The following NELL2 variants were observed in gnomAD, a reference collection of about 807,000 sequenced individuals.
The protein encoded by NELL2 is protein kinase C-binding protein NELL2.
Under a neutral mutation model 109.6 loss-of-function variants are expected in NELL2, and 41 were observed. The ratio of observed to expected loss-of-function variants is 0.37; its 90% CI spans 0.29 to 0.49. The LOEUF (loss-of-function observed/expected upper bound fraction) is 0.49. Ranked by LOEUF, NELL2 falls within the 20% of genes least tolerant of loss-of-function variation. The pLI, the probability that NELL2 is intolerant of heterozygous loss-of-function variation, is 0.98. For missense variants in NELL2, 900 were observed against 1,008.3 expected (o/e 0.89, Z 1.45); for synonymous variants, 355 against 344.7 (o/e 1.03, Z -0.33).
chr12:44,578,668 A>AGTTTTTT lies in NELL2; in HGVS notation c.1663+28500_1663+28501insAAAAAAC, dbSNP rs1202570724. 5.3e-5 allele frequency among the ~76,000 whole-genome samples: 8 copies of AGTTTTTT among 151,374 alleles called. No homozygotes were observed. In the South Asian group the frequency reaches 1.7e-3, roughly 32 times the overall value. ...GTGGCAACAAAAAACTCCAGGAGAG[A>AGTTTTTT]GTAATGTGTGCCAGGGACTGGGCAA... On this transcript the variant is annotated intron_variant, in intron 15 of 19. Coordinates refer to ENST00000429094, the MANE Select transcript of NELL2 (RefSeq NM_001145108.2).
At chr12:44,640,457 A>G (rs141215023) in intron 13 of NELL2, among the ~76,000 whole-genome samples, 3 of 152,308 alleles carry the variant, frequency 2.0e-5, no homozygotes, top group African/African-American at 7.2e-5. Flanking sequence ...TTGAATTTCT[A>G]TAAGCTTTAA....
At chr12:44,693,729 A>G (rs1038579351) in intron 12 of NELL2, among the ~76,000 whole-genome samples, 22 of 152,194 alleles carry the variant, frequency 1.4e-4, no homozygotes, top group African/African-American at 4.8e-4. Flanking sequence ...ATGAGCCCAG[A>G]TGAATAGCTA....
intron 9 of NELL2, among the ~76,000 whole-genome samples, chr12:44,728,064 T>C (rs1426286597): frequency 1.3e-5 from 2 of 151,946 alleles, no homozygotes; most frequent in African/African-American, 4.8e-5. Flanking sequence ...TTAATGGCTA[T>C]TATATGCCAG....
At chr12:44,594,090 A>G (rs1944863845) in intron 15 of NELL2, among the ~76,000 whole-genome samples, 2 of 151,700 alleles carry the variant, frequency 1.3e-5, no homozygotes, top group Non-Finnish European at 2.9e-5. Flanking sequence ...GAGTCGAACA[A>G]TAAGAATGCA....
chr12:44,668,240 C>T (rs769121122), intron 12 of NELL2, among the ~76,000 whole-genome samples: 4 of 152,082 alleles, frequency 2.6e-5, no homozygotes, highest in Non-Finnish European at 5.9e-5. Context: ...GGAAGCAACC[C>T]CTGGGACAAA....
chr12:44,773,630 G>A (rs1592504727), intron 9 of NELL2, among the ~76,000 whole-genome samples: 1 of 152,154 alleles, frequency 6.6e-6, no homozygotes, highest in South Asian at 2.1e-4. Context: ...CTTTTATTAA[G>A]AGAAGTCCTA....
chr12:44,549,197 C>T (rs1355023177), intron 15 of NELL2, among the ~76,000 whole-genome samples: 1 of 152,152 alleles, frequency 6.6e-6, no homozygotes, highest in Non-Finnish European at 1.5e-5. Flanking sequence ...AGTACACTAA[C>T]TGTGGAGGAG....
chr12:44,833,524 C>CCT (rs148194793), intron 2 of NELL2, among the ~76,000 whole-genome samples: 2,049 of 152,238 alleles, frequency 0.013, 56 homozygotes, highest in African/African-American at 0.048. Flanking sequence ...GTGTACTATA[C>CCT]CTCTCTTCTA....
intron 10 of NELL2, among the ~76,000 whole-genome samples, chr12:44,714,414 A>G (rs1461979301): frequency 6.6e-6 from 1 of 152,046 alleles, no homozygotes; most frequent in Non-Finnish European, 1.5e-5. Context: ...CGACAACTTC[A>G]TAAAGCTTTA....
At chr12:44,816,205 C>A in intron 2 of NELL2, 69 bp from the exon 3 acceptor site, 1 of 1,346,844 alleles carries the variant, frequency 7.4e-7, no homozygotes, top group Non-Finnish European at 1.0e-6. Flanking sequence ...TTACATGTAA[C>A]ATCTTTCAAA....
chr12:44,663,772 GAATGGA>G (rs1399131193), intron 13 of NELL2, among the ~76,000 whole-genome samples: 1 of 152,208 alleles, frequency 6.6e-6, no homozygotes, highest in Admixed American at 6.5e-5. Flanking sequence ...AACAGACTCA[GAATGGA>G]AATGAATCTC....
At chr12:44,565,188 T>C (rs1414670501) in intron 15 of NELL2, among the ~76,000 whole-genome samples, 2 of 152,122 alleles carry the variant, frequency 1.3e-5, no homozygotes, top group African/African-American at 2.4e-5. Context: ...CTCAGATCTG[T>C]GAAGCATATT....
intron 9 of NELL2, among the ~76,000 whole-genome samples, chr12:44,740,787 C>T (rs2136496118): frequency 6.6e-6 from 1 of 152,184 alleles, no homozygotes; most frequent in African/African-American, 2.4e-5. Context: ...GTATGTGCCT[C>T]TGAATTTTAG....
At chr12:44,776,205 T>C (rs1592510008) in intron 7 of NELL2, 55 bp from the exon 8 acceptor site, 3 of 1,595,766 alleles carry the variant, frequency 1.9e-6, no homozygotes, top group East Asian at 4.5e-5. Context: ...AACACAGAAA[T>C]GTGAAACACT....
intron 8 of NELL2, 110 bp downstream of exon 8, chr12:44,775,912 T>C (rs1197309215): frequency 8.1e-7 from 1 of 1,241,892 alleles, no homozygotes; most frequent in East Asian, 2.5e-5. Flanking sequence ...TTTAGTGTTG[T>C]GTCTTGAGGA....
intron 15 of NELL2, among the ~76,000 whole-genome samples, chr12:44,583,972 C>T (rs1448909837): frequency 6.6e-6 from 1 of 152,182 alleles, no homozygotes; most frequent in Non-Finnish European, 1.5e-5. Flanking sequence ...GGGTTTTCTG[C>T]CATGTTGCCC....
At chr12:44,556,379 T>C (rs1284202786) in intron 15 of NELL2, among the ~76,000 whole-genome samples, 1 of 152,086 alleles carries the variant, frequency 6.6e-6, no homozygotes, top group African/African-American at 2.4e-5. Flanking sequence ...TGGGGGAGTG[T>C]GTGAGATCAA....
intron 9 of NELL2, among the ~76,000 whole-genome samples, chr12:44,768,649 T>G (rs7973832): frequency 0.02 from 2,994 of 152,342 alleles, 93 homozygotes; most frequent in African/African-American, 0.069. Context: ...CTCAATTTTT[T>G]GCTGTGTCAT....
At chr12:44,586,779 T>A (rs920250567) in intron 15 of NELL2, among the ~76,000 whole-genome samples, 2 of 152,202 alleles carry the variant, frequency 1.3e-5, no homozygotes, top group African/African-American at 2.4e-5. Flanking sequence ...ATATAAGGGT[T>A]ATTTTTTGAA....
Sources: allele counts gnomAD v4.1 joint callset (sites outside exome capture counted in the v4.1 genomes callset), GRCh38; gene constraint gnomAD v4.1.1; transcripts MANE v1.5; gene names NCBI Gene and HGNC (gene_info 2026-07-23, HGNC 2026-07-21).